Variants in PTPRZ1 observed in about 807,000 individuals in gnomAD.
PTPRZ1 encodes the protein receptor-type tyrosine-protein phosphatase zeta.
In PTPRZ1, 82 loss-of-function variants were observed where a neutral mutation model predicts 214.1. The ratio of observed to expected loss-of-function variants is 0.38; its 90% confidence interval spans 0.32 to 0.46. The LOEUF (loss-of-function observed/expected upper bound fraction) is 0.46, where lower values mean the gene tolerates loss of function less well. Ranked by LOEUF, PTPRZ1 falls within the 20% of genes least tolerant of loss-of-function variation. The probability of loss-of-function intolerance (pLI) is 1.00; values close to 1 mark genes in which losing one functional copy is unlikely to be tolerated. For missense variants in PTPRZ1, 2,603 were observed against 2,748.7 expected, an observed-to-expected ratio of 0.95 and a Z score of 1.19; for synonymous variants, 945 against 987.9, an observed-to-expected ratio of 0.96 and a Z score of 0.81.
chr7:121,910,912 A>C (rs1456132355), intron 1 of PTPRZ1, among the ~76,000 whole-genome samples: 3 of 152,246 alleles, frequency 2.0e-5, no homozygotes, highest in African/African-American at 7.2e-5. Context: ...TGTTATTAGA[A>C]GTGAATGGCA....
chr7:121,880,941 C>T (rs542785758), intron 1 of PTPRZ1, among the ~76,000 whole-genome samples: 39 of 152,252 alleles, frequency 2.6e-4, no homozygotes, highest in South Asian at 8.3e-4. Flanking sequence ...TGCACAAAAA[C>T]GCTGACAACC....
chr7:121,997,934 G>A lies in PTPRZ1; in HGVS notation c.1168G>A (p.Ala390Thr). The A allele has an allele frequency of 1.9e-6, 3 of 1,611,284 alleles. No homozygotes were observed. The highest frequency in any genetic ancestry group is 2.5e-6 in the Non-Finnish European group (3 of 1,177,788). ...TATGAGTTATGTTCTTCAGATAGTA[G>A]CCATATGCACTAATGGCTTATATGG... ...PNMSYVLQIV[A>T]ICTNGLYGKY... Residue 390 changes from alanine (A) to threonine (T), a missense_variant, in exon 10 of 30, where the codon GCC becomes ACC. By Grantham distance (58) the Ala-to-Thr change is moderately conservative. This residue lies in a region of PTPRZ1 where 244 missense variants were observed against 333.2 expected (regional missense o/e 0.73). Coordinates refer to ENST00000393386, the MANE Select transcript of PTPRZ1 (RefSeq NM_002851.3).
At chr7:122,020,175 T>A (rs1294721890) in intron 13 of PTPRZ1, among the ~76,000 whole-genome samples, 1 of 152,214 alleles carries the variant, frequency 6.6e-6, no homozygotes, top group Non-Finnish European at 1.5e-5. Context: ...CGTGTTTTTT[T>A]CTGAAATATT....
intron 6 of PTPRZ1, among the ~76,000 whole-genome samples, chr7:121,983,350 C>G (rs1797670629): frequency 6.6e-6 from 1 of 152,092 alleles, no homozygotes; most frequent in Non-Finnish European, 1.5e-5. Context: ...TTTCCATGAA[C>G]TGGTATTGAG....
intron 2 of PTPRZ1, among the ~76,000 whole-genome samples, chr7:121,956,492 T>G (rs998811910): frequency 6.6e-6 from 1 of 152,230 alleles, no homozygotes; most frequent in African/African-American, 2.4e-5. Flanking sequence ...TAGCATGTTT[T>G]TAACAACTTT....
At chr7:122,051,342 T>A (rs755054131) in intron 23 of PTPRZ1, 86 bp from the exon 24 acceptor site, 3 of 818,284 alleles carry the variant, frequency 3.7e-6, no homozygotes, top group Non-Finnish European at 6.1e-6. Context: ...TTGGTGTGTG[T>A]GTGTGTGTCT....
At chr7:121,929,161 CAT>C (rs1188697692) in intron 2 of PTPRZ1, among the ~76,000 whole-genome samples, 1 of 76,852 alleles carries the variant, frequency 1.3e-5, no homozygotes. Context: ...CAAAGAAAAA[CAT>C]AAAATCATTA....
At chr7:121,894,914 G>C (rs1794742970) in intron 1 of PTPRZ1, among the ~76,000 whole-genome samples, 1 of 152,042 alleles carries the variant, frequency 6.6e-6, no homozygotes, top group South Asian at 2.1e-4. Flanking sequence ...CTATGGAAGT[G>C]GATAGATTTT....
chr7:121,893,489 G>T (rs975435065), intron 1 of PTPRZ1, among the ~76,000 whole-genome samples: 6 of 152,194 alleles, frequency 3.9e-5, no homozygotes, highest in African/African-American at 1.4e-4. Context: ...ATGGAGAAAT[G>T]GAGAAATGGC....
intron 1 of PTPRZ1, among the ~76,000 whole-genome samples, chr7:121,900,647 C>A (rs1435725197): frequency 6.6e-6 from 1 of 152,190 alleles, no homozygotes; most frequent in Non-Finnish European, 1.5e-5. Context: ...AAGGGTAAGT[C>A]ATGCTGCCCA....
intron 2 of PTPRZ1, among the ~76,000 whole-genome samples, chr7:121,937,178 G>A (rs1001842997): frequency 8.5e-5 from 13 of 152,142 alleles, no homozygotes; most frequent in African/African-American, 2.9e-4. Context: ...TTGCACAATT[G>A]CACAAGTTTC....
intron 1 of PTPRZ1, among the ~76,000 whole-genome samples, chr7:121,912,511 A>C (rs1180646683): frequency 6.6e-6 from 1 of 152,230 alleles, no homozygotes; most frequent in Non-Finnish European, 1.5e-5. Flanking sequence ...GTTCATTGAA[A>C]TATGACAGCT....
At chr7:121,880,709 A>G (rs1327365798) in intron 1 of PTPRZ1, among the ~76,000 whole-genome samples, 1 of 152,196 alleles carries the variant, frequency 6.6e-6, no homozygotes, top group Non-Finnish European at 1.5e-5. Context: ...GGAAGTTTTT[A>G]GATTTTCTAA....
chr7:122,014,807 TA>T (rs927465953), intron 12 of PTPRZ1, among the ~76,000 whole-genome samples: 24 of 152,230 alleles, frequency 1.6e-4, no homozygotes, highest in Admixed American at 5.2e-4. Flanking sequence ...ATAATGAAGT[TA>T]AAAAAAATTT....
At chr7:122,018,600 G>T (rs1798916767) in intron 12 of PTPRZ1, among the ~76,000 whole-genome samples, 1 of 151,138 alleles carries the variant, frequency 6.6e-6, no homozygotes, top group Non-Finnish European at 1.5e-5. Context: ...AATTGAAATC[G>T]ATTACTGGAT....
intron 2 of PTPRZ1, among the ~76,000 whole-genome samples, chr7:121,937,137 GTATTCA>G (rs1796109278): frequency 6.6e-6 from 1 of 152,138 alleles, no homozygotes; most frequent in South Asian, 2.1e-4. Context: ...ACAGCTGCAC[GTATTCA>G]TTCTTCAATT....
chr7:121,881,364 A>G (rs965377146), intron 1 of PTPRZ1, among the ~76,000 whole-genome samples: 1 of 152,216 alleles, frequency 6.6e-6, no homozygotes, highest in Non-Finnish European at 1.5e-5. Flanking sequence ...CAAGCTGACT[A>G]TGCACCTGGG....
chr7:121,954,307 A>G (rs1289326172), intron 2 of PTPRZ1, among the ~76,000 whole-genome samples: 4 of 152,106 alleles, frequency 2.6e-5, no homozygotes, highest in African/African-American at 9.7e-5. Context: ...CTGGCATGCA[A>G]AGCCCCCAAA....
At chr7:121,974,003 C>G (rs891902724) in intron 4 of PTPRZ1, among the ~76,000 whole-genome samples, 1 of 137,824 alleles carries the variant, frequency 7.3e-6, no homozygotes, top group Non-Finnish European at 1.6e-5. Context: ...TAATGATTTT[C>G]TCTGGGTGAT....
Sources: gnomAD v4.1 joint callset for allele counts (sites outside exome capture counted in the v4.1 genomes callset) on GRCh38, gnomAD v4.1.1 for gene constraint, gnomAD v4.1.1 regional missense constraint, MANE v1.5 for transcripts, NCBI Gene and HGNC (gene_info 2026-07-23, HGNC 2026-07-21) for gene names.